The following SLC11A2 variants were observed in gnomAD, a reference collection of about 807,000 sequenced individuals.
The protein encoded by SLC11A2 is natural resistance-associated macrophage protein 2.
SLC11A2 carries 38 observed loss-of-function variants against 68.0 expected under a neutral mutation model. The ratio of observed to expected loss-of-function variants is 0.56; its 90% CI spans 0.43 to 0.73. The LOEUF (loss-of-function observed/expected upper bound fraction) is 0.73, where lower values mean the gene tolerates loss of function less well. Ranked by LOEUF, SLC11A2 falls within the 30% of genes least tolerant of loss-of-function variation. SLC11A2 has a pLI of 0.00. For synonymous variants in SLC11A2, 242 were observed against 250.6 expected (o/e 0.97, Z 0.32); for missense variants, 517 against 690.5 (o/e 0.75, Z 2.82).
the SLC11A2 span, among the ~76,000 whole-genome samples, chr12:50,961,279 GA>G: frequency 6.6e-6 from 1 of 152,142 alleles, no homozygotes; most frequent in African/African-American, 2.4e-5. Context: ...AATTTTTTAT[GA>G]ATGCAGCTGA....
At chr12:51,023,564 T>A (rs1944184776) in intron 1 of SLC11A2, among the ~76,000 whole-genome samples, 1 of 152,214 alleles carries the variant, frequency 6.6e-6, no homozygotes, top group East Asian at 1.9e-4. Flanking sequence ...AATGTTTTAC[T>A]CAAACTACAG....
At chr12:50,966,056 T>C in the SLC11A2 span, among the ~76,000 whole-genome samples, 1 of 152,218 alleles carries the variant, frequency 6.6e-6, no homozygotes, top group Non-Finnish European at 1.5e-5. Context: ...GCCAAAGATC[T>C]CTGTGGCTTA....
chr12:51,010,797 T>A, intron 1 of SLC11A2, 31 bp from the exon 2 acceptor site: 1 of 1,293,480 alleles, frequency 7.7e-7, no homozygotes, highest in African/African-American at 1.5e-5. Flanking sequence ...GGAGAAGAAT[T>A]AGGAAGAACA....
intron 3 of SLC11A2, 138 bp downstream of exon 3, chr12:51,008,338 T>C (rs547504754): frequency 4.5e-6 from 3 of 664,072 alleles, no homozygotes; most frequent in Non-Finnish European, 2.7e-6. Flanking sequence ...TATATATATA[T>C]AGATATATAG....
chr12:50,961,216 G>A, the SLC11A2 span: 2 of 1,109,858 alleles, frequency 1.8e-6, no homozygotes, highest in Non-Finnish European at 2.5e-6. Flanking sequence ...ATGAGAGAGG[G>A]GTAGGAAAGA....
chr12:50,969,065 C>T, the SLC11A2 span, among the ~76,000 whole-genome samples: 2 of 151,628 alleles, frequency 1.3e-5, no homozygotes, highest in East Asian at 2.0e-4. Context: ...GAGGCAGAGG[C>T]GGGTGGATCA....
chr12:51,011,124 ATT>A lies in SLC11A2; in HGVS notation c.-38-360_-38-359del, dbSNP rs34248900. Among the ~76,000 whole-genome samples the A allele has an allele frequency of 7.3e-3, 1,054 of 144,896 alleles. 19 individuals carry two copies. The highest frequency in any genetic ancestry group is 0.025 in the African/African-American group (978 of 39,546). ...GTATTTTAGTGAGACAGCAAATACC[ATT>A]TTTTTTTTTTTTGAGTCTTTGAGTC... On this transcript the variant is annotated intron_variant, in intron 1 of 15. Coordinates refer to ENST00000262052, the MANE Select transcript of SLC11A2 (RefSeq NM_000617.3).
the SLC11A2 span, among the ~76,000 whole-genome samples, chr12:50,953,357 G>T: frequency 6.6e-6 from 1 of 152,226 alleles, no homozygotes; most frequent in Non-Finnish European, 1.5e-5. Flanking sequence ...AAGCTGCACA[G>T]GGAACAGACT....
chr12:50,985,363 T>A (rs1466158433), downstream of SLC11A2, among the ~76,000 whole-genome samples: 1 of 152,180 alleles, frequency 6.6e-6, no homozygotes, highest in African/African-American at 2.4e-5. Flanking sequence ...TCTTCCTAGA[T>A]GAATTCCACT....
At chr12:51,016,339 G>A (rs925433482) in intron 1 of SLC11A2, among the ~76,000 whole-genome samples, 4 of 151,950 alleles carry the variant, frequency 2.6e-5, no homozygotes, top group African/African-American at 9.7e-5. Context: ...CTGAGGTCAG[G>A]AGTTCGAGAC....
At position 50,994,640 on chromosome 12, in the gene SLC11A2, A is replaced by C; in HGVS notation, c.991-10T>G. The C allele has an allele frequency of 6.3e-7, 1 of 1,577,824 alleles. No individual in the cohort carries two copies. The highest frequency in any genetic ancestry group is 1.1e-5 in the South Asian group (1 of 90,384). ...TTGTACAGACTTCAACCTAGAACCC[A>C]AAGCAATTCAACAGCAACTTTTGTT... is the stretch of plus-strand genomic sequence containing the variant. On this transcript the variant is annotated splice_polypyrimidine_tract_variant and intron_variant, in intron 10 of 15. Coordinates refer to ENST00000262052, the MANE Select transcript of SLC11A2 (RefSeq NM_000617.3).
At chr12:50,992,730 CAA>C (rs954460640) in intron 12 of SLC11A2, 78 bp downstream of exon 12, 977 of 941,688 alleles carry the variant, frequency 1.0e-3, no homozygotes, top group East Asian at 1.3e-3. Context: ...GACTCCATCT[CAA>C]AAAAAAAAAA....
chr12:50,964,135 C>T, the SLC11A2 span, among the ~76,000 whole-genome samples: 1 of 151,908 alleles, frequency 6.6e-6, no homozygotes, highest in African/African-American at 2.4e-5. Flanking sequence ...GGTAAATGGA[C>T]GTGGGGAATA....
Position 51,010,700 on chromosome 12 carries a change from G to A in SLC11A2, c.29C>T (p.Ser10Leu). The A allele has an allele frequency of 1.3e-6, 2 of 1,564,280 alleles. No homozygotes were observed. Among genetic ancestry groups the A allele is most frequent in the Non-Finnish European group, 8.8e-7 (1 of 1,133,990 alleles). Residue 10 changes from serine (S) to leucine (L), a missense_variant, in exon 2 of 16, where the codon TCA (serine) becomes TTA (leucine). Transcript: ENST00000262052. MVLGPEQKM[S>L]DDSVSGDHGE... ...AACACAAAGCGGTAAATTACCATCT[G>A]ACATCTTCTGTTCAGGACCCAGCAC...
Position 51,004,836 on chromosome 12 carries a change from C to T in SLC11A2, c.381G>A (p.Val127=). Residue 127 remains valine, a synonymous_variant, in exon 5 of 16, where the codon GTG becomes GTA. Coordinates refer to ENST00000262052, the MANE Select transcript of SLC11A2 (RefSeq NM_000617.3). The part of the protein sequence containing the change: ...LLQRLAARLG[V]VTGLHLAEVC... The stretch of plus-strand genomic sequence containing the variant: ...CTTCAGCAAGATGCAGCCCAGTAAC[C>T]ACTCCCAGTCTAGCTGCAAGCCGCT... The T allele has an allele frequency of 1.9e-6, 3 of 1,614,046 alleles. No homozygotes were observed. Among genetic ancestry groups the T allele is most frequent in the Non-Finnish European group, 2.5e-6 (3 of 1,179,962 alleles).
At chr12:50,994,104 A>C (rs1388811546) in intron 11 of SLC11A2, among the ~76,000 whole-genome samples, 2 of 150,360 alleles carry the variant, frequency 1.3e-5, no homozygotes, top group African/African-American at 2.5e-5. Flanking sequence ...GCAGTGGCCC[A>C]ATCTCGGCTC....
At chr12:50,960,141 T>C in the SLC11A2 span, among the ~76,000 whole-genome samples, 4 of 152,222 alleles carry the variant, frequency 2.6e-5, no homozygotes. Flanking sequence ...TTGTATAGGC[T>C]TCTGAACTTT....
chr12:50,962,325 C>T, the SLC11A2 span, among the ~76,000 whole-genome samples: 4 of 152,064 alleles, frequency 2.6e-5, no homozygotes, highest in Admixed American at 6.6e-5. Context: ...GCAGGAGAAT[C>T]GCTTGAATCT....
At chr12:50,954,452 G>C in the SLC11A2 span, 87 of 171,906 alleles carry the variant, frequency 5.1e-4, no homozygotes, top group African/African-American at 1.9e-3. Context: ...AAGCCTATTA[G>C]GGACTATTGA....
Sources: gnomAD v4.1 joint callset for allele counts (sites outside exome capture counted in the v4.1 genomes callset) on GRCh38, gnomAD v4.1.1 for gene constraint, MANE v1.5 for transcripts, NCBI Gene and HGNC (gene_info 2026-07-23, HGNC 2026-07-21) for gene names.